The following NPEPPS variants were observed in gnomAD, a reference collection of about 807,000 sequenced individuals.
NPEPPS encodes the protein puromycin-sensitive aminopeptidase.
In NPEPPS, 14 loss-of-function variants were observed where a neutral mutation model predicts 115.5. The observed-to-expected ratio is 0.12, with a 90% CI of 0.08 to 0.19. The LOEUF (loss-of-function observed/expected upper bound fraction) is 0.19, where lower values mean the gene tolerates loss of function less well. Ranked by LOEUF, NPEPPS falls within the 10% of genes least tolerant of loss-of-function variation. The probability of loss-of-function intolerance (pLI) is 1.00; values close to 1 mark genes in which losing one functional copy is unlikely to be tolerated. For synonymous variants in NPEPPS, 285 were observed against 390.6 expected (o/e 0.73, Z 3.19); for missense variants, 523 against 1,110.8 (o/e 0.47, Z 7.52).
chr17:47,612,637 G>A, intron 18 of NPEPPS, 35 bp downstream of exon 18: 1 of 1,558,140 alleles, frequency 6.4e-7, no homozygotes, highest in African/African-American at 1.4e-5. Flanking sequence ...TGACTTATAG[G>A]TAACATCATT....
rs372187657 is a variant in NPEPPS, at chr17:47,587,239, A to G, written c.990A>G (p.Ala330=). 8.1e-4 allele frequency: 1,280 copies of G among 1,580,556 alleles called. 7 individuals are homozygous for G. In the African/African-American group the frequency reaches 0.016, roughly 20 times the overall value. ...TTTTTTTTAAACACAGGGAGACTGC[A>G]TTGCTTATTGATCCAAAAAATTCCT... is the stretch of plus-strand genomic sequence containing the variant. The part of the protein sequence containing the change: ...NWGLVTYRET[A]LLIDPKNSCS... The change falls in exon 9 of 23, where the codon GCA becomes GCG. Residue 330 remains alanine, a synonymous_variant. Transcript: ENST00000322157.
chr17:47,605,262 C>T (rs1913445215), intron 16 of NPEPPS, 71 bp from the exon 17 acceptor site: 1 of 1,155,900 alleles, frequency 8.7e-7, no homozygotes, highest in African/African-American at 1.6e-5. Flanking sequence ...GTAGATAATG[C>T]CAAAAATGCA....
chr17:47,554,659 C>CT (rs1909882098), intron 2 of NPEPPS, among the ~76,000 whole-genome samples: 1 of 152,126 alleles, frequency 6.6e-6, no homozygotes, highest in African/African-American at 2.4e-5. Flanking sequence ...TGTGCCCAGC[C>CT]TCTCTTATAG....
At chr17:47,558,920 C>G (rs891139949) in intron 2 of NPEPPS, among the ~76,000 whole-genome samples, 1 of 152,000 alleles carries the variant, frequency 6.6e-6, no homozygotes, top group Non-Finnish European at 1.5e-5. Context: ...TGTAGTCCCC[C>G]CTACCTGAGA....
At chr17:47,582,080 C>A (rs879494119) in intron 4 of NPEPPS, 5 of 152,144 alleles carry the variant, frequency 3.3e-5, no homozygotes, top group Admixed American at 1.3e-4. Context: ...ACTAAAGTTT[C>A]TTTCCTTTAT....
chr17:47,606,055 A>G (rs1261191265), intron 17 of NPEPPS, among the ~76,000 whole-genome samples: 1 of 151,870 alleles, frequency 6.6e-6, no homozygotes, highest in East Asian at 1.9e-4. Flanking sequence ...TTTTATATTT[A>G]TAATAGAGAT....
At chr17:47,583,010 C>CTTTTTTTTTT (rs745447996) in intron 5 of NPEPPS, among the ~76,000 whole-genome samples, 161 bp downstream of exon 5, 4 of 135,136 alleles carry the variant, frequency 3.0e-5, no homozygotes, top group Non-Finnish European at 4.8e-5. Context: ...CTTTTTCTTT[C>CTTTTTTTTTT]TTTTTTTTTT....
chr17:47,586,080 T>C, intron 6 of NPEPPS, 68 bp from the exon 7 acceptor site: 3 of 648,420 alleles, frequency 4.6e-6, no homozygotes, highest in Non-Finnish European at 7.2e-6. Flanking sequence ...ACAGGATTCC[T>C]TTGTGGGTTT....
Position 47,586,237 on chromosome 17 carries a change from T to C in NPEPPS, c.939T>C (p.Phe313=), listed in dbSNP as rs1268634656. The change falls in exon 7 of 23, where the codon TTT becomes TTC. Residue 313 remains phenylalanine, a synonymous_variant. Transcript: ENST00000322157. ...PKIDLIAIAD[F]AAGAMENWGL... The stretch of plus-strand genomic sequence containing the variant: ...TTGATCTCATTGCTATTGCAGACTT[T>C]GCAGCTGGTAAAGTAAATTTCATTT... The C allele has an allele frequency of 1.3e-5, 16 of 1,200,846 alleles. No homozygotes were observed. Among genetic ancestry groups the C allele is most frequent in the Non-Finnish European group, 1.7e-5 (16 of 916,900 alleles). 74.4% of individuals were successfully genotyped at this position (1,200,846 alleles called of 1,614,324 possible).
intron 1 of NPEPPS, among the ~76,000 whole-genome samples, chr17:47,535,955 G>T (rs1186483570): frequency 6.0e-5 from 9 of 149,864 alleles, no homozygotes; most frequent in Admixed American, 1.3e-4. Context: ...TCCTGCCTCA[G>T]CCTCCTGAGT....
intron 4 of NPEPPS, chr17:47,580,520 TG>T (rs1911808904): frequency 6.6e-6 from 1 of 152,122 alleles, no homozygotes; most frequent in Non-Finnish European, 1.5e-5. Context: ...GATTTGTTGA[TG>T]AAAAAAGGTA....
At chr17:47,555,954 T>C (rs1287377099) in intron 2 of NPEPPS, among the ~76,000 whole-genome samples, 1 of 151,242 alleles carries the variant, frequency 6.6e-6, no homozygotes, top group Non-Finnish European at 1.5e-5. Context: ...TCAGGGCTCA[T>C]TTTATTTATT....
intron 1 of NPEPPS, among the ~76,000 whole-genome samples, chr17:47,533,179 T>G (rs1217242036): frequency 6.6e-6 from 1 of 152,222 alleles, no homozygotes; most frequent in East Asian, 1.9e-4. Context: ...TAGATAACTA[T>G]AGCTGTCACA....
At chr17:47,545,311 A>G (rs2143710099) in intron 1 of NPEPPS, among the ~76,000 whole-genome samples, 1 of 152,342 alleles carries the variant, frequency 6.6e-6, no homozygotes, top group African/African-American at 2.4e-5. Flanking sequence ...AATAGTTTAA[A>G]GTCAAAGTTT....
chr17:47,595,005 G>T (rs1025370154), intron 12 of NPEPPS, among the ~76,000 whole-genome samples: 1 of 151,092 alleles, frequency 6.6e-6, no homozygotes, highest in Non-Finnish European at 1.5e-5. Flanking sequence ...TCTTGGCTTC[G>T]TTGCAACCTC....
intron 1 of NPEPPS, among the ~76,000 whole-genome samples, chr17:47,544,394 A>G (rs1597819663): frequency 6.6e-6 from 1 of 152,294 alleles, no homozygotes; most frequent in African/African-American, 2.4e-5. Flanking sequence ...TTCTTCCTCT[A>G]TCCTCACAGA....
intron 2 of NPEPPS, among the ~76,000 whole-genome samples, chr17:47,565,677 G>T (rs1417879037): frequency 6.6e-6 from 1 of 150,528 alleles, no homozygotes; most frequent in African/African-American, 2.5e-5. Flanking sequence ...AAAATTAGTC[G>T]GGTGTGGTGG....
chr17:47,593,461 A>C (rs1685054025), intron 12 of NPEPPS, among the ~76,000 whole-genome samples: 1 of 152,172 alleles, frequency 6.6e-6, no homozygotes, highest in East Asian at 1.9e-4. Context: ...CAGGAGGCTG[A>C]AGTGGGAAGG....
At chr17:47,578,160 C>T (rs1450706391) in intron 3 of NPEPPS, among the ~76,000 whole-genome samples, 3 of 151,242 alleles carry the variant, frequency 2.0e-5, no homozygotes, top group East Asian at 1.9e-4. Context: ...CGAGATCACA[C>T]CACTGTACTC....
Sources: allele counts gnomAD v4.1 joint callset (sites outside exome capture counted in the v4.1 genomes callset), GRCh38; gene constraint gnomAD v4.1.1; transcripts MANE v1.5; gene names NCBI Gene and HGNC (gene_info 2026-07-23, HGNC 2026-07-21).